Variants in CDH13 observed in about 807,000 individuals in gnomAD.
CDH13 encodes cadherin-13.
A neutral mutation model predicts 63.8 loss-of-function variants in CDH13; 24 were observed. The ratio of observed to expected loss-of-function variants is 0.38; its 90% CI spans 0.27 to 0.53. The LOEUF is 0.53. Ranked by LOEUF, CDH13 falls within the 20% of genes least tolerant of loss-of-function variation. CDH13 has a pLI of 0.85. For missense variants in CDH13, 1,049 were observed against 903.1 expected (o/e 1.16, Z -2.07); for synonymous variants, 503 against 355.3 (o/e 1.42, Z -4.67).
intron 2 of CDH13, among the ~76,000 whole-genome samples, chr16:82,966,786 C>T (rs1364042233): frequency 6.6e-6 from 1 of 152,162 alleles, no homozygotes; most frequent in Non-Finnish European, 1.5e-5. Flanking sequence ...AGACTCGATG[C>T]CCCTTTTCCC....
chr16:83,411,328 C>T (rs1022744628), intron 6 of CDH13, among the ~76,000 whole-genome samples: 3 of 152,154 alleles, frequency 2.0e-5, no homozygotes, highest in Non-Finnish European at 4.4e-5. Flanking sequence ...CATTAAACCT[C>T]CCACTTTTCT....
At chr16:82,940,704 A>T (rs1016461695) in intron 2 of CDH13, among the ~76,000 whole-genome samples, 6 of 152,108 alleles carry the variant, frequency 3.9e-5, no homozygotes, top group African/African-American at 1.2e-4. Context: ...TGGCCACTTG[A>T]TTACCAATCA....
intron 1 of CDH13, among the ~76,000 whole-genome samples, chr16:82,628,917 C>G (rs1251907223): frequency 6.6e-6 from 1 of 152,206 alleles, no homozygotes; most frequent in African/African-American, 2.4e-5. Flanking sequence ...TAATCTGCTG[C>G]CTTCCTAGGA....
At chr16:83,644,362 C>T (rs1031965404) in intron 8 of CDH13, among the ~76,000 whole-genome samples, 2 of 152,178 alleles carry the variant, frequency 1.3e-5, no homozygotes, top group African/African-American at 4.8e-5. Context: ...TGACCAACTT[C>T]ACATAAATGG....
chr16:83,388,721 T>G (rs1405178362), intron 6 of CDH13, among the ~76,000 whole-genome samples: 1 of 152,148 alleles, frequency 6.6e-6, no homozygotes, highest in Non-Finnish European at 1.5e-5. Flanking sequence ...AGCAGGTGTG[T>G]GTGGTATGCT....
At chr16:82,628,004 C>G (rs1046950209) in intron 1 of CDH13, among the ~76,000 whole-genome samples, 18 of 152,350 alleles carry the variant, frequency 1.2e-4, no homozygotes, top group African/African-American at 4.1e-4. Flanking sequence ...GGCACGCCAA[C>G]CAGGAGAGGG....
intron 4 of CDH13, among the ~76,000 whole-genome samples, chr16:83,177,005 G>T (rs780961203): frequency 1.3e-5 from 2 of 152,144 alleles, no homozygotes; most frequent in Non-Finnish European, 2.9e-5. Flanking sequence ...CCATCCACTG[G>T]AGCTTGCTGT....
intron 3 of CDH13, among the ~76,000 whole-genome samples, chr16:83,090,696 G>T (rs57761118): frequency 0.14 from 21,571 of 151,816 alleles, 1,898 homozygotes; most frequent in African/African-American, 0.25. Context: ...AGTCTTCCCC[G>T]TCTGTCTGCT....
chr16:82,812,592 G>A lies in CDH13; in HGVS notation c.46-45770G>A, dbSNP rs1012785692. Among the ~76,000 whole-genome samples the A allele has an allele frequency of 4.9e-4, 75 of 152,100 alleles. 2 individuals are homozygous for A. Among genetic ancestry groups the A allele is most frequent in the Non-Finnish European group, 5.9e-5 (4 of 67,998 alleles). On this transcript the variant is annotated intron_variant, in intron 1 of 13. Coordinates refer to ENST00000567109, the MANE Select transcript of CDH13 (RefSeq NM_001257.5). Reference sequence around the variant, plus strand: ...AAGAGAACACTGGAAGTTCTTCCCTGCATCTAGTGACACGGAGGGTGTTAA... The same window carrying A: ...AAGAGAACACTGGAAGTTCTTCCCTACATCTAGTGACACGGAGGGTGTTAA...
chr16:83,721,303 C>G (rs945656339), intron 10 of CDH13: 7 of 152,220 alleles, frequency 4.6e-5, no homozygotes, highest in African/African-American at 1.7e-4. Context: ...ATCTTGTAAC[C>G]CATACCCAGA....
chr16:83,082,010 G>C (rs1263160492), intron 3 of CDH13, among the ~76,000 whole-genome samples: 1 of 152,044 alleles, frequency 6.6e-6, no homozygotes, highest in Non-Finnish European at 1.5e-5. Context: ...ATGTTGGTCA[G>C]GCTGGTCTCG....
intron 1 of CDH13, among the ~76,000 whole-genome samples, chr16:82,655,226 A>G (rs1911165303): frequency 6.6e-6 from 1 of 152,250 alleles, no homozygotes; most frequent in African/African-American, 2.4e-5. Flanking sequence ...TTATTGGCAG[A>G]GGCAAACAGT....
intron 4 of CDH13, among the ~76,000 whole-genome samples, chr16:83,183,962 C>G (rs2038429028): frequency 6.6e-6 from 1 of 152,062 alleles, no homozygotes; most frequent in South Asian, 2.1e-4. Context: ...AGCAAGAAGT[C>G]TCTAAGGCAC....
Position 83,748,208 on chromosome 16 carries a change from G to C in CDH13, c.1639G>C (p.Asp547His). The C allele has an allele frequency of 1.2e-6, 2 of 1,613,804 alleles. No individual in the cohort carries two copies. The change falls in exon 11 of 14, where the codon GAC becomes CAC. Residue 547 changes from aspartate to histidine, a missense_variant. Asp to His is a moderately conservative substitution (Grantham distance 81, BLOSUM62 -1). Transcript: ENST00000567109. ...AVLDRESPFV[D>H]NSVYTALFLA... ...GCTGGACCGTGAGTCCCCATTTGTCGACAACAGCGTGTACACTGCTCTCTT... is the reference window on the plus strand; with the variant it reads ...GCTGGACCGTGAGTCCCCATTTGTCCACAACAGCGTGTACACTGCTCTCTT...
chr16:83,091,715 C>G (rs1405515198), intron 3 of CDH13, among the ~76,000 whole-genome samples: 1 of 152,174 alleles, frequency 6.6e-6, no homozygotes, highest in Non-Finnish European at 1.5e-5. Context: ...CTAGGGTATT[C>G]ACTTCATAAG....
chr16:82,651,785 T>A (rs755845971), intron 1 of CDH13, among the ~76,000 whole-genome samples: 4 of 152,130 alleles, frequency 2.6e-5, no homozygotes, highest in Non-Finnish European at 5.9e-5. Context: ...GTGCCTTCAA[T>A]AGGAGAAACA....
At chr16:82,808,324 A>G (rs578133211) in intron 1 of CDH13, among the ~76,000 whole-genome samples, 23 of 152,198 alleles carry the variant, frequency 1.5e-4, no homozygotes, top group Admixed American at 2.0e-4. Context: ...GTGAAGCAAG[A>G]TCTAACAGCC....
intron 6 of CDH13, among the ~76,000 whole-genome samples, chr16:83,475,364 G>T (rs939104873): frequency 8.5e-5 from 13 of 152,346 alleles, no homozygotes; most frequent in Middle Eastern, 3.4e-3. Flanking sequence ...TCCTGCAGCA[G>T]TCAGGAAGCT....
intron 7 of CDH13, among the ~76,000 whole-genome samples, chr16:83,503,604 C>T (rs1400286206): frequency 6.6e-6 from 1 of 152,100 alleles, no homozygotes; most frequent in East Asian, 1.9e-4. Context: ...AGGCTCCTAG[C>T]CCACAAGCCA....
Sources: gnomAD v4.1 joint callset for allele counts (sites outside exome capture counted in the v4.1 genomes callset) on GRCh38, gnomAD v4.1.1 for gene constraint, MANE v1.5 for transcripts, NCBI Gene and HGNC (gene_info 2026-07-23, HGNC 2026-07-21) for gene names.